Variants in SDK1 observed in about 807,000 individuals in gnomAD.
The protein encoded by SDK1 is protein sidekick-1.
A neutral mutation model predicts 245.5 loss-of-function variants in SDK1; 157 were observed. The ratio of observed to expected loss-of-function variants is 0.64; its 90% CI spans 0.56 to 0.73. SDK1 has a LOEUF of 0.73. Among genes scored for constraint, SDK1 ranks in the 30% least tolerant of loss-of-function variants. The pLI is 0.00. For synonymous variants in SDK1, 1,647 were observed against 1,278.5 expected (o/e 1.29, Z -6.15); for missense variants, 3,583 against 3,002.3 (o/e 1.19, Z -4.52).
intron 1 of SDK1, among the ~76,000 whole-genome samples, chr7:3,316,023 G>T (rs1303564277): frequency 6.6e-6 from 1 of 152,092 alleles, no homozygotes; most frequent in South Asian, 2.1e-4. Flanking sequence ...TATGATTCTA[G>T]TGTCAAATTC....
rs1788641027 is a variant in SDK1 at position 4,268,951 on chromosome 7, G to A, written c.*3567G>A. ...AAGAAACAACTTGTAGGAAGACAGAGAGGTGCTATGGGTACAATTTTTAAT... is the reference window on the plus strand; with the variant it reads ...AAGAAACAACTTGTAGGAAGACAGAAAGGTGCTATGGGTACAATTTTTAAT... On this transcript the variant is annotated 3_prime_UTR_variant, in exon 45 of 45. Coordinates refer to ENST00000404826, the MANE Select transcript of SDK1 (RefSeq NM_152744.4). The A allele has an allele frequency of 3.1e-6, 1 of 317,558 alleles. No homozygotes were observed. Among genetic ancestry groups the A allele is most frequent in the African/African-American group, 2.2e-5 (1 of 46,026 alleles). The allele number at this position is 317,558 out of a possible 1,614,324, so 19.7% of individuals were successfully genotyped here.
At chr7:4,129,861 C>T (rs759537123) in intron 26 of SDK1, 47 bp from the exon 27 acceptor site, 5 of 1,608,016 alleles carry the variant, frequency 3.1e-6, no homozygotes, top group Non-Finnish European at 4.2e-6. Flanking sequence ...GGCGGTCCCT[C>T]CTGGCACCCG....
chr7:3,886,027 C>T (rs779994332), intron 5 of SDK1, among the ~76,000 whole-genome samples: 59 of 152,118 alleles, frequency 3.9e-4, no homozygotes, highest in Admixed American at 7.9e-4. Context: ...GAGGCGGTGC[C>T]GTGCCACAGG....
rs187495174 is a variant in SDK1, at chr7:3,601,230, A to C, written c.299-17850A>C. On this transcript the variant is annotated intron_variant, in intron 1 of 44. Coordinates refer to ENST00000404826, the MANE Select transcript of SDK1 (RefSeq NM_152744.4). ...TTATATCAAGGTAGTAATAGTCTTC[A>C]AGAAATGAATTGGGAGATGTTTCTT... 9.4e-4 allele frequency among the ~76,000 whole-genome samples: 143 copies of C among 152,324 alleles called. 1 individual carries two copies. The highest frequency in any genetic ancestry group is 3.3e-3 in the African/African-American group (136 of 41,586).
At chr7:3,452,865 C>T (rs1216007862) in intron 1 of SDK1, among the ~76,000 whole-genome samples, 2 of 152,144 alleles carry the variant, frequency 1.3e-5, no homozygotes, top group Non-Finnish European at 2.9e-5. Context: ...TCTTCCCTCC[C>T]TCCTTTTGTT....
intron 4 of SDK1, among the ~76,000 whole-genome samples, chr7:3,703,539 G>C (rs1395089161): frequency 6.6e-6 from 1 of 152,180 alleles, no homozygotes; most frequent in African/African-American, 2.4e-5. Flanking sequence ...GACTGTAGTG[G>C]TGGTGAAGTC....
At chr7:3,868,866 C>A (rs970274540) in intron 5 of SDK1, among the ~76,000 whole-genome samples, 1 of 152,146 alleles carries the variant, frequency 6.6e-6, no homozygotes, top group Non-Finnish European at 1.5e-5. Context: ...ATTGACCCTG[C>A]TTGCTTTTGT....
intron 5 of SDK1, among the ~76,000 whole-genome samples, chr7:3,940,344 C>G (rs1479844836): frequency 6.6e-6 from 1 of 152,242 alleles, no homozygotes; most frequent in African/African-American, 2.4e-5. Flanking sequence ...CTGTATAGCT[C>G]TGCATTCCTT....
intron 1 of SDK1, among the ~76,000 whole-genome samples, chr7:3,457,272 T>C (rs1053576251): frequency 6.6e-6 from 1 of 152,194 alleles, no homozygotes. Context: ...GTTCATAAGA[T>C]GCCCTGCCAT....
intron 5 of SDK1, among the ~76,000 whole-genome samples, chr7:3,875,744 A>G (rs1418881184): frequency 6.6e-6 from 1 of 152,220 alleles, no homozygotes; most frequent in African/African-American, 2.4e-5. Context: ...TTCTGGAACT[A>G]GCAGAGGTGG....
chr7:3,502,144 A>T (rs892369330), intron 1 of SDK1, among the ~76,000 whole-genome samples: 1 of 152,142 alleles, frequency 6.6e-6, no homozygotes, highest in South Asian at 2.1e-4. Context: ...TCAGGTGTAC[A>T]CAAGGATTAT....
chr7:3,392,025 C>A (rs1446374926), intron 1 of SDK1, among the ~76,000 whole-genome samples: 1 of 150,746 alleles, frequency 6.6e-6, no homozygotes, highest in Admixed American at 6.6e-5. Flanking sequence ...AAAGACCATA[C>A]AAGGCTTTTA....
intron 5 of SDK1, among the ~76,000 whole-genome samples, chr7:3,895,042 A>G (rs576902575): frequency 6.6e-6 from 1 of 152,244 alleles, no homozygotes; most frequent in Non-Finnish European, 1.5e-5. Context: ...TTACTGATTC[A>G]TTCCTCTAAA....
At chr7:3,912,441 A>G (rs1779206957) in intron 5 of SDK1, among the ~76,000 whole-genome samples, 1 of 152,242 alleles carries the variant, frequency 6.6e-6, no homozygotes, top group Non-Finnish European at 1.5e-5. Flanking sequence ...CCAGCGTGCC[A>G]CAGAGTGTGG....
intron 32 of SDK1, among the ~76,000 whole-genome samples, chr7:4,168,144 A>G (rs1475493299): frequency 6.6e-6 from 1 of 152,168 alleles, no homozygotes; most frequent in African/African-American, 2.4e-5. Flanking sequence ...CACTGGGAAG[A>G]TGACACCTGC....
chr7:3,447,902 C>G (rs965150202), intron 1 of SDK1, among the ~76,000 whole-genome samples: 3 of 151,834 alleles, frequency 2.0e-5, no homozygotes, highest in African/African-American at 7.3e-5. Flanking sequence ...CAGGGTTTCT[C>G]CATGTTAGTC....
chr7:3,983,960 C>G (rs1783617101), intron 13 of SDK1, among the ~76,000 whole-genome samples: 1 of 152,178 alleles, frequency 6.6e-6, no homozygotes, highest in African/African-American at 2.4e-5. Context: ...AGGCGGGTAG[C>G]TCTTGCCGCC....
chr7:4,140,622 G>A (rs1047891844), intron 28 of SDK1, among the ~76,000 whole-genome samples: 1 of 152,124 alleles, frequency 6.6e-6, no homozygotes, highest in Non-Finnish European at 1.5e-5. Context: ...GCTGGGGCTC[G>A]ATGCCGAGGG....
intron 1 of SDK1, among the ~76,000 whole-genome samples, chr7:3,410,555 A>G (rs569948986): frequency 1.9e-4 from 29 of 150,842 alleles, no homozygotes; most frequent in Admixed American, 9.2e-4. Context: ...TGCATAACTC[A>G]TAAGTGGCAG....
Sources: allele counts gnomAD v4.1 joint callset (sites outside exome capture counted in the v4.1 genomes callset), GRCh38; gene constraint gnomAD v4.1.1; transcripts MANE v1.5; gene names NCBI Gene and HGNC (gene_info 2026-07-23, HGNC 2026-07-21).